ADGRG3: variants seen among roughly 807,000 people sequenced by gnomAD.
ADGRG3 encodes the protein G protein-coupled receptor 97.
Under a neutral mutation model 54.3 loss-of-function variants are expected in ADGRG3, and 39 were observed. The ratio of observed to expected loss-of-function variants is 0.72; its 90% CI spans 0.56 to 0.94. ADGRG3 has a LOEUF of 0.94. ADGRG3 is among the 40% of genes least tolerant of loss of function. The pLI is 0.00. For synonymous variants in ADGRG3, 312 were observed against 290.0 expected, an observed-to-expected ratio of 1.08 and a Z score of -0.77; for missense variants, 654 against 694.6, an observed-to-expected ratio of 0.94 and a Z score of 0.66.
In ADGRG3 at chr16:57,678,865, T is replaced by G. The variant is rs1249162949; in HGVS notation, c.493-312T>G. 15 of 437,054 alleles carry G rather than the reference T, an allele frequency of 3.4e-5. No homozygotes were observed. In the Admixed American group the frequency reaches 5.6e-4, roughly 16 times the overall value. The allele number at this position is 437,054 out of a possible 1,614,324, so 27.1% of individuals were successfully genotyped here. On this transcript the variant is annotated intron_variant, in intron 4 of 11. Coordinates refer to ENST00000333493, the MANE Select transcript of ADGRG3 (RefSeq NM_170776.5). ...GGGGCACGCTATCCTCCCCGCTGAC[T>G]TCCATTTCTTGGCTGATCTTGGCCC...
intron 10 of ADGRG3, among the ~76,000 whole-genome samples, chr16:57,685,361 G>A (rs1392209673): frequency 6.6e-6 from 1 of 152,218 alleles, no homozygotes; most frequent in Non-Finnish European, 1.5e-5. Flanking sequence ...AGAAATCTAG[G>A]TGTTTATACC....
rs921376414 is a variant in ADGRG3, at chr16:57,673,385, C to A, written c.123C>A (p.Ile41=). 23 of 1,613,902 alleles carry A rather than the reference C, an allele frequency of 1.4e-5. No homozygotes were observed. The highest frequency in any genetic ancestry group is 8.3e-5 in the Admixed American group (5 of 60,006). ...TCLGSNNMYD[I]FNLNDKALCF... Reference sequence around the variant, plus strand: ...TGGGGAGCAACAACATGTACGACATCTTCAACTTGAATGACAAGGCTTTGT... The same window carrying A: ...TGGGGAGCAACAACATGTACGACATATTCAACTTGAATGACAAGGCTTTGT... The change falls in exon 2 of 12, where the codon ATC becomes ATA. Residue 41 remains isoleucine, a synonymous_variant. Coordinates refer to ENST00000333493, the MANE Select transcript of ADGRG3 (RefSeq NM_170776.5).
Position 57,684,246 on chromosome 16 carries a change from C to T in ADGRG3, c.1162+34C>T, listed in dbSNP as rs199671206. 3.0e-4 allele frequency: 473 copies of T among 1,597,300 alleles called. 1 individual carries two copies. The highest frequency in any genetic ancestry group is 1.5e-3 in the Middle Eastern group (9 of 5,986). ...TGCCTGGATGGACAGAATAAACGGC[C>T]GGCCCTGAGGGTGCAGAGGGAAATA... On this transcript the variant is annotated intron_variant, in intron 9 of 11. Coordinates refer to ENST00000333493, the MANE Select transcript of ADGRG3 (RefSeq NM_170776.5).
chr16:57,681,371 TGTGTGCGC>T (rs1283417337), intron 8 of ADGRG3, among the ~76,000 whole-genome samples: 67 of 84,758 alleles, frequency 7.9e-4, no homozygotes, highest in African/African-American at 3.2e-3. Flanking sequence ...TGTGTGTGTG[TGTGTGCGC>T]GCGTGCGTGC....
At position 57,672,286 on chromosome 16, in the gene ADGRG3, G is replaced by C. The variant is rs374275246; in HGVS notation, c.59-1035G>C. ...TCACACCTGTAATCCAGCAATTTGG[G>C]CAGCTGAGGCAGGAGGATCGCTTGA... On this transcript the variant is annotated intron_variant, in intron 1 of 11. Coordinates refer to ENST00000333493, the MANE Select transcript of ADGRG3 (RefSeq NM_170776.5). 1.3e-4 allele frequency among the ~76,000 whole-genome samples: 20 copies of C among 152,132 alleles called. No individual in the cohort carries two copies. The East Asian group carries it at 3.1e-3, about 24-fold the overall frequency.
At chr16:57,671,197 T>C (rs1328243466) in intron 1 of ADGRG3, among the ~76,000 whole-genome samples, 2 of 152,176 alleles carry the variant, frequency 1.3e-5, no homozygotes, top group Non-Finnish European at 2.9e-5. Context: ...CAGTAAGCTA[T>C]AGAATAATAG....
chr16:57,680,593 C>G lies in ADGRG3; in HGVS notation c.857C>G (p.Thr286Ser). 6.2e-7 allele frequency: 1 copy of G among 1,613,212 alleles called. No individual in the cohort carries two copies. Among genetic ancestry groups the G allele is most frequent in the Non-Finnish European group, 8.5e-7 (1 of 1,179,212 alleles). ...CGVSMIFLAF[T>S]IILYAFLRLS... ...GTCTCCATGATCTTCCTGGCCTTCA[C>G]CATTATTCTTTATGCCTTTCTGAGG... is the stretch of plus-strand genomic sequence containing the variant. The change falls in exon 8 of 12, where the codon ACC becomes AGC. Residue 286 changes from threonine (T) to serine (S), a missense_variant. Physicochemically the swap from Thr to Ser is moderately conservative, Grantham distance 58 (BLOSUM62 1). Transcript: ENST00000333493.
intron 8 of ADGRG3, among the ~76,000 whole-genome samples, chr16:57,682,139 T>A (rs184313380): frequency 2.0e-5 from 3 of 152,274 alleles, no homozygotes; most frequent in Admixed American, 2.0e-4. Flanking sequence ...TGGGGCTGTG[T>A]CCAGAAGAGG....
chr16:57,682,655 C>T (rs1448488677), intron 8 of ADGRG3: 4 of 984,716 alleles, frequency 4.1e-6, no homozygotes, highest in Non-Finnish European at 4.8e-6. Context: ...AGATGCTCCT[C>T]CAGGAAGCCC....
rs866477766 is a variant in ADGRG3, at chr16:57,684,071, C to G, written c.1021C>G (p.Arg341Gly). The G allele has an allele frequency of 5.6e-6, 9 of 1,613,990 alleles. No individual in the cohort carries two copies. The highest frequency in any genetic ancestry group is 1.7e-5 in the Admixed American group (1 of 60,018). ...SKGSDAACWA[R>G]GAVFHYFLLC... ...GGGGTCTGATGCTGCCTGCTGGGCC[C>G]GGGGGGCTGTCTTCCACTACTTCCT... Residue 341 changes from arginine to glycine, a missense_variant, in exon 9 of 12, where the codon CGG (arginine) becomes GGG (glycine). Arg to Gly is a moderately radical substitution (Grantham distance 125). Coordinates refer to ENST00000333493, the MANE Select transcript of ADGRG3 (RefSeq NM_170776.5).
chr16:57,683,610 A>T (rs1311009432), intron 8 of ADGRG3, among the ~76,000 whole-genome samples: 1 of 152,000 alleles, frequency 6.6e-6, no homozygotes, highest in Non-Finnish European at 1.5e-5. Context: ...TCTGCCCTTT[A>T]TCCAACTTTT....
rs1311144654 is a variant in ADGRG3 at position 57,685,839 on chromosome 16, C to T, written c.1453C>T (p.Leu485=). Residue 485 remains leucine (L), a synonymous_variant, in exon 11 of 12, where the codon CTG becomes TTG. Coordinates refer to ENST00000333493, the MANE Select transcript of ADGRG3 (RefSeq NM_170776.5). ...KVLTLLGLSS[L]VGVTWGLAIF... ...GCTCACCCTGCTGGGCCTCTCGAGC[C>T]TGGTGGGTGTGACATGGGGGTTGGC... The T allele has an allele frequency of 4.3e-6, 7 of 1,614,028 alleles. No homozygotes were observed. The highest frequency in any genetic ancestry group is 5.9e-6 in the Non-Finnish European group (7 of 1,180,022).
intron 11 of ADGRG3, among the ~76,000 whole-genome samples, chr16:57,687,619 C>A (rs934725960): frequency 6.6e-6 from 1 of 152,184 alleles, no homozygotes; most frequent in African/African-American, 2.4e-5. Context: ...TATGTGGGAA[C>A]TATATTAATA....
chr16:57,682,856 T>C (rs1477333948), intron 8 of ADGRG3, among the ~76,000 whole-genome samples: 1 of 152,188 alleles, frequency 6.6e-6, no homozygotes, highest in Non-Finnish European at 1.5e-5. Flanking sequence ...ACTCTCCTAC[T>C]GCATTTTCGG....
At chr16:57,669,890 G>A (rs1019194843) in intron 1 of ADGRG3, among the ~76,000 whole-genome samples, 26 of 152,146 alleles carry the variant, frequency 1.7e-4, no homozygotes, top group African/African-American at 6.3e-4. Flanking sequence ...GAAGGGACAC[G>A]TGACAAAGGT....
At chr16:57,666,401 G>T (rs1366417122), upstream of ADGRG3, among the ~76,000 whole-genome samples, 1 of 152,212 alleles carries the variant, frequency 6.6e-6, no homozygotes, top group Non-Finnish European at 1.5e-5. Flanking sequence ...TACCCCGATG[G>T]TTATTATCAT....
At chr16:57,673,258 G>C (rs1201495337) in intron 1 of ADGRG3, 63 bp from the exon 2 acceptor site, 26 of 1,521,824 alleles carry the variant, frequency 1.7e-5, no homozygotes, top group Non-Finnish European at 2.3e-5. Context: ...TCCTTTCCCT[G>C]CTCCTCATCC....
chr16:57,678,316 G>T lies in ADGRG3; in HGVS notation c.492G>T (p.Lys164Asn), dbSNP rs996298253. The stretch of plus-strand genomic sequence containing the variant: ...ACATTGGTCCAGGGACTCTCTTCAA[G>T]GTGAGGACTCAGGGAAGCTCCAAGG... Reference protein sequence around the residue: ...ILDIGPGTLFKGPRLGLGDGS... With the variant: ...ILDIGPGTLFNGPRLGLGDGS... The change falls in exon 4 of 12, where the codon AAG becomes AAT. Residue 164 changes from lysine to asparagine, a missense_variant and splice_region_variant. Physicochemically the swap from Lys to Asn is moderately conservative, Grantham distance 94 (BLOSUM62 0). Transcript: ENST00000333493. 1.9e-6 allele frequency: 3 copies of T among 1,614,178 alleles called. No individual in the cohort carries two copies. The highest frequency in any genetic ancestry group is 2.5e-6 in the Non-Finnish European group (3 of 1,179,994).
chr16:57,678,791 C>T, intron 4 of ADGRG3: 1 of 329,358 alleles, frequency 3.0e-6, no homozygotes, highest in South Asian at 3.5e-5. Flanking sequence ...AGTGTGCTCC[C>T]CCCACCAGCC....
Sources: gnomAD v4.1 joint callset for allele counts (sites outside exome capture counted in the v4.1 genomes callset) on GRCh38, gnomAD v4.1.1 for gene constraint, MANE v1.5 for transcripts, NCBI Gene and HGNC (gene_info 2026-07-23, HGNC 2026-07-21) for gene names.